The following CHST7 variants were observed in gnomAD, a reference collection of about 807,000 sequenced individuals.
CHST7 encodes N-acetylglucosamine 6-O-sulfotransferase 4.
In CHST7, 5 loss-of-function variants were observed where a neutral mutation model predicts 9.0. The observed-to-expected ratio is 0.56, with a 90% CI of 0.29 to 1.17. The LOEUF (loss-of-function observed/expected upper bound fraction) is 1.17, where lower values mean the gene tolerates loss of function less well. Among genes scored for constraint, CHST7 ranks in the 50% most tolerant of loss-of-function variants. The pLI is 0.08. For synonymous variants in CHST7, 244 were observed against 237.1 expected (o/e 1.03, Z -0.27); for missense variants, 377 against 485.1 (o/e 0.78, Z 2.09).
At chrX:46,585,662 G>A (rs756958994) in intron 1 of CHST7, among the ~76,000 whole-genome samples, 17 of 112,207 alleles carry the variant, frequency 1.5e-4, no homozygotes, top group Non-Finnish European at 2.3e-4. Flanking sequence ...GGCCAAAAAC[G>A]TACACATCCC....
chrX:46,597,418 GTACGGTTTCAA>G (rs1942599830), intron 1 of CHST7, among the ~76,000 whole-genome samples: 1 of 111,600 alleles, frequency 9.0e-6, no homozygotes, highest in Admixed American at 9.5e-5. Flanking sequence ...GTGCCTAAAG[GTACGGTTTCAA>G]TCCCAGTTCC....
rs1224023425 is a variant in CHST7, at chrX:46,574,061, C to T, written c.130C>T (p.His44Tyr). ...GGRDGDKGAE[H>Y]CPGLQRSLGV... ...CCGCGACGGGGACAAGGGCGCCGAG[C>T]ACTGCCCCGGCCTGCAGCGCAGCCT... The change falls in exon 1 of 2, where the codon CAC becomes TAC. Residue 44 changes from histidine to tyrosine, a missense_variant. Coordinates refer to ENST00000276055, the MANE Select transcript of CHST7 (RefSeq NM_019886.4). 1.7e-6 allele frequency: 2 copies of T among 1,164,723 alleles called. No individual in the cohort carries two copies. Among genetic ancestry groups the T allele is most frequent in the Non-Finnish European group, 2.3e-6 (2 of 875,910 alleles).
rs1456028098 is a variant in CHST7, at chrX:46,575,213, C to A, written c.1282C>A (p.Arg428=). 2.2e-5 allele frequency: 24 copies of A among 1,101,693 alleles called. No homozygotes were observed. The highest frequency in any genetic ancestry group is 2.6e-5 in the Non-Finnish European group (22 of 850,119). The allele number at this position is 1,101,693 out of a possible 1,213,427, so 90.8% of individuals were successfully genotyped here. A position where few individuals can be genotyped will look rare whatever the true frequency, so the allele number is the denominator to read the frequency against. ...CTTCCACCTGTCAGCGCGCGACGCC[C>A]GGGAGGCGGTGCACGCCTGGCGCGA... The part of the protein sequence containing the change: ...RPFHLSARDA[R]EAVHAWRERL... The change falls in exon 1 of 2, where the codon CGG becomes AGG. Residue 428 remains arginine, a synonymous_variant. Coordinates refer to ENST00000276055, the MANE Select transcript of CHST7 (RefSeq NM_019886.4).
rs749482713 is a variant in CHST7 at position 46,596,950 on chromosome X, A to T, written c.*32-810A>T. On this transcript the variant is annotated intron_variant, in intron 1 of 1. Coordinates refer to ENST00000276055, the MANE Select transcript of CHST7 (RefSeq NM_019886.4). ...CAACAGAGTGAGACTCTGTCTCAAA[A>T]AAAAAAAAAAAAATTATAGAAAGGC... 2.7e-3 allele frequency among the ~76,000 whole-genome samples: 296 copies of T among 107,925 alleles called. 2 individuals are homozygous for T. Among genetic ancestry groups the T allele is most frequent in the African/African-American group, 9.5e-3 (284 of 29,785 alleles). The allele number at this position is 107,925 out of a possible 115,157, so 93.7% of individuals were successfully genotyped here.
intron 1 of CHST7, among the ~76,000 whole-genome samples, chrX:46,589,883 G>A (rs971023184): frequency 3.6e-5 from 4 of 111,273 alleles, no homozygotes; most frequent in South Asian, 3.7e-4. Flanking sequence ...CTGAATTAGC[G>A]GTACTTCATT....
Position 46,574,459 on chromosome X carries a change from C to T in CHST7, c.528C>T (p.Asp176=), listed in dbSNP as rs921002483. The T allele has an allele frequency of 3.0e-5, 36 of 1,205,803 alleles. No homozygotes were observed. Among genetic ancestry groups the T allele is most frequent in the Non-Finnish European group, 4.0e-5 (36 of 893,302 alleles). The change falls in exon 1 of 2, where the codon GAC becomes GAT. Residue 176 remains aspartate (D), a synonymous_variant. Coordinates refer to ENST00000276055, the MANE Select transcript of CHST7 (RefSeq NM_019886.4). ...TGCGGCTGTACGCGCCGCCGGGGGA[C>T]CCCGCTGCGCGCGCCCCGGACACGG... ...SVLRLYAPPG[D]PAARAPDTAN...
In CHST7 at chrX:46,574,429, C is replaced by G; in HGVS notation, c.498C>G (p.Ser166=). 1 of 1,208,024 alleles carries G rather than the reference C, an allele frequency of 8.3e-7. No individual in the cohort carries two copies. The highest frequency in any genetic ancestry group is 1.1e-6 in the Non-Finnish European group (1 of 894,494). The change falls in exon 1 of 2, where the codon TCC becomes TCG. Residue 166 remains serine, a synonymous_variant. Transcript: ENST00000276055. ...MLRSLFRCDF[S]VLRLYAPPGD... is the part of the protein sequence containing the mutation. ...GTTCGCTCTTCCGCTGCGACTTCTC[C>G]GTGCTGCGGCTGTACGCGCCGCCGG... is the stretch of plus-strand genomic sequence containing the variant.
chrX:46,583,273 A>G (rs1423128344), intron 1 of CHST7, among the ~76,000 whole-genome samples: 4 of 112,295 alleles, frequency 3.6e-5, no homozygotes, highest in African/African-American at 1.3e-4. Flanking sequence ...TGAAAAGGAC[A>G]TTTCTGCTGA....
chrX:46,596,853 A>G (rs1296784228), intron 1 of CHST7, among the ~76,000 whole-genome samples: 2 of 109,255 alleles, frequency 1.8e-5, no homozygotes, highest in Admixed American at 9.8e-5. Context: ...AGGCTGAGGC[A>G]GGAGAATTGC....
At chrX:46,582,773 G>A (rs1320906646) in intron 1 of CHST7, among the ~76,000 whole-genome samples, 1 of 111,263 alleles carries the variant, frequency 9.0e-6, no homozygotes, top group Non-Finnish European at 1.9e-5. Context: ...ACTGACTCGA[G>A]CATAAACAAT....
At chrX:46,595,883 A>G (rs112362482) in intron 1 of CHST7, among the ~76,000 whole-genome samples, 5,713 of 111,500 alleles carry the variant, frequency 0.051, 351 homozygotes, top group African/African-American at 0.17. Context: ...CACATCTGTA[A>G]TCCTAGCACT....
intron 1 of CHST7, among the ~76,000 whole-genome samples, chrX:46,596,128 A>G (rs1333968692): frequency 1.9e-5 from 2 of 102,827 alleles, no homozygotes; most frequent in Admixed American, 2.1e-4. Flanking sequence ...ACAGAGCTAG[A>G]CTCTGTCAAA....
Position 46,574,487 on chromosome X carries a change from A to T in CHST7, c.556A>T (p.Asn186Tyr). The T allele has an allele frequency of 2.5e-6, 3 of 1,207,118 alleles. No individual in the cohort carries two copies. The highest frequency in any genetic ancestry group is 3.4e-6 in the Non-Finnish European group (3 of 893,170). The change falls in exon 1 of 2, where the codon AAT becomes TAT. Residue 186 changes from asparagine (N) to tyrosine (Y), a missense_variant. Physicochemically the swap from Asn to Tyr is moderately radical, Grantham distance 143 (BLOSUM62 -2). Coordinates refer to ENST00000276055, the MANE Select transcript of CHST7 (RefSeq NM_019886.4). ...DPAARAPDTANLTTAALFRWR... is the reference protein window; with the variant it reads ...DPAARAPDTAYLTTAALFRWR... The stretch of plus-strand genomic sequence containing the variant: ...CGCTGCGCGCGCCCCGGACACGGCC[A>T]ATCTTACCACGGCCGCCCTCTTCCG...
At chrX:46,593,191 G>A (rs1432595178) in intron 1 of CHST7, among the ~76,000 whole-genome samples, 1 of 111,626 alleles carries the variant, frequency 9.0e-6, no homozygotes, top group Non-Finnish European at 1.9e-5. Context: ...GTTCAATTCT[G>A]TTGGTTGATG....
chrX:46,598,361 T>C lies in CHST7; in HGVS notation c.*633T>C. On this transcript the variant is annotated 3_prime_UTR_variant, in exon 2 of 2. Transcript: ENST00000276055. ...CTTTAAAATTTTTCTGTCTGGCGTT[T>C]TTGTAATCATACTATTAAATGACTC... 8.9e-6 allele frequency: 1 copy of C among 112,322 alleles called. No homozygotes were observed. Among genetic ancestry groups the C allele is most frequent in the Middle Eastern group, 4.6e-3 (1 of 218 alleles). 9.3% of individuals were successfully genotyped at this position (112,322 alleles called of 1,213,427 possible).
At chrX:46,589,740 A>G (rs962534585) in intron 1 of CHST7, among the ~76,000 whole-genome samples, 5 of 111,423 alleles carry the variant, frequency 4.5e-5, no homozygotes, top group African/African-American at 1.6e-4. Flanking sequence ...TACAGGTCTC[A>G]TGAAGGTGTA....
Position 46,574,120 on chromosome X carries a change from C to G in CHST7, c.189C>G (p.Gly63=). ...GVWSLEAAAA[G]EREQGAEARA... is the part of the protein sequence containing the mutation. ...GGAGCCTGGAGGCGGCGGCGGCCGG[C>G]GAACGCGAGCAGGGAGCGGAGGCGC... The change falls in exon 1 of 2, where the codon GGC becomes GGG. Residue 63 remains glycine (G), a synonymous_variant. Coordinates refer to ENST00000276055, the MANE Select transcript of CHST7 (RefSeq NM_019886.4). The G allele has an allele frequency of 8.6e-7, 1 of 1,160,066 alleles. No individual in the cohort carries two copies. The highest frequency in any genetic ancestry group is 1.8e-5 in the African/African-American group (1 of 56,255).
At chrX:46,581,123 T>C (rs1042461504) in intron 1 of CHST7, among the ~76,000 whole-genome samples, 1 of 106,527 alleles carries the variant, frequency 9.4e-6, no homozygotes, top group Non-Finnish European at 1.9e-5. Context: ...TAGTCCCAGC[T>C]ACGCGGGAGG....
chrX:46,598,088 C>CATT lies in CHST7; in HGVS notation c.*361_*363dup, dbSNP rs1011449323. The CATT allele has an allele frequency of 8.9e-6, 1 of 112,300 alleles. No homozygotes were observed. Among genetic ancestry groups the CATT allele is most frequent in the African/African-American group, 3.2e-5 (1 of 30,862 alleles). The allele number at this position is 112,300 out of a possible 1,213,427, so 9.3% of individuals were successfully genotyped here. Reference sequence around the variant, plus strand: ...ACAAAGAAGAGATGTGATTTGGTACCATTTCACACCAGCAGGTGTCTGGAC... The same window carrying CATT: ...ACAAAGAAGAGATGTGATTTGGTACCATTATTTCACACCAGCAGGTGTCTGGAC... On this transcript the variant is annotated 3_prime_UTR_variant, in exon 2 of 2. Transcript: ENST00000276055.
Sources: allele counts gnomAD v4.1 joint callset (sites outside exome capture counted in the v4.1 genomes callset), GRCh38; gene constraint gnomAD v4.1.1; transcripts MANE v1.5; gene names NCBI Gene and HGNC (gene_info 2026-07-23, HGNC 2026-07-21).